Variants in RCSD1 observed in about 807,000 individuals in gnomAD.
The protein encoded by RCSD1 is capZ-interacting protein.
A neutral mutation model predicts 42.5 loss-of-function variants in RCSD1; 26 were observed. That is an observed-to-expected ratio of 0.61 (90% CI 0.45 to 0.85). The LOEUF is 0.85. RCSD1 is among the 40% of genes least tolerant of loss of function. The pLI, the probability that RCSD1 is intolerant of heterozygous loss-of-function variation, is 0.00. For synonymous variants in RCSD1, 220 were observed against 212.2 expected (o/e 1.04, Z -0.32); for missense variants, 571 against 528.3 (o/e 1.08, Z -0.79).
At position 167,706,514 on chromosome 1, in the gene RCSD1, T is replaced by C. The variant is rs543278183; in HGVS notation, c.*1818T>C. Reference sequence around the variant, plus strand: ...AAGGCATGGAACAGAAAGTATGGGGTTTAGATATGAAAAATGAAACTGCAT... The same window carrying C: ...AAGGCATGGAACAGAAAGTATGGGGCTTAGATATGAAAAATGAAACTGCAT... On this transcript the variant is annotated 3_prime_UTR_variant, in exon 7 of 7. Transcript: ENST00000367854. Among the ~76,000 whole-genome samples the C allele has an allele frequency of 6.6e-6, 1 of 151,762 alleles. No individual in the cohort carries two copies. The highest frequency in any genetic ancestry group is 1.5e-5 in the Non-Finnish European group (1 of 67,916).
At chr1:167,651,630 C>T (rs1444458669) in intron 1 of RCSD1, among the ~76,000 whole-genome samples, 1 of 152,204 alleles carries the variant, frequency 6.6e-6, no homozygotes, top group Non-Finnish European at 1.5e-5. Context: ...GCCTGTTGCT[C>T]CTGCTGGTCC....
At position 167,708,453 on chromosome 1, in the gene RCSD1, G is replaced by A. The variant is rs1480786165; in HGVS notation, c.*3757G>A. Among the ~76,000 whole-genome samples, 1 of 152,160 alleles carries A rather than the reference G, an allele frequency of 6.6e-6. No homozygotes were observed. On this transcript the variant is annotated 3_prime_UTR_variant, in exon 7 of 7. Transcript: ENST00000367854. Reference sequence around the variant, plus strand: ...AGGATAAACAATGTCTCTATATAATGCATGATCAGGTGGTTTATGAAGATG... The same window carrying A: ...AGGATAAACAATGTCTCTATATAATACATGATCAGGTGGTTTATGAAGATG...
chr1:167,690,363 G>T (rs945399694), intron 4 of RCSD1, among the ~76,000 whole-genome samples: 1 of 152,136 alleles, frequency 6.6e-6, no homozygotes, highest in Non-Finnish European at 1.5e-5. Flanking sequence ...AGTGGTGGGG[G>T]TTGATGGGTA....
At chr1:167,678,966 T>C (rs765075264) in intron 1 of RCSD1, among the ~76,000 whole-genome samples, 2 of 150,826 alleles carry the variant, frequency 1.3e-5, no homozygotes, top group Non-Finnish European at 2.9e-5. Context: ...ATAAGTGCCC[T>C]GTTTTATTTT....
At chr1:167,656,156 T>C (rs1182939678) in intron 1 of RCSD1, among the ~76,000 whole-genome samples, 2 of 152,208 alleles carry the variant, frequency 1.3e-5, no homozygotes, top group Non-Finnish European at 2.9e-5. Context: ...TGTGGACTCA[T>C]TTAAGAAACT....
chr1:167,657,203 G>C (rs1054961107), intron 1 of RCSD1, among the ~76,000 whole-genome samples: 5 of 152,192 alleles, frequency 3.3e-5, no homozygotes, highest in Non-Finnish European at 7.3e-5. Flanking sequence ...TTCGAAACTG[G>C]TGAATACATG....
At chr1:167,687,485 C>T (rs948598520) in intron 3 of RCSD1, among the ~76,000 whole-genome samples, 18 of 150,312 alleles carry the variant, frequency 1.2e-4, no homozygotes, top group Non-Finnish European at 2.2e-4. Flanking sequence ...ATCGCGCCAC[C>T]GCACTCCAGC....
At chr1:167,700,353 A>G (rs1659608314) in intron 6 of RCSD1, among the ~76,000 whole-genome samples, 1 of 152,028 alleles carries the variant, frequency 6.6e-6, no homozygotes, top group African/African-American at 2.4e-5. Flanking sequence ...TTTCTTTAAC[A>G]TCTTCCATTC....
chr1:167,703,471 TG>T (rs912916418), intron 6 of RCSD1, among the ~76,000 whole-genome samples: 1 of 152,152 alleles, frequency 6.6e-6, no homozygotes, highest in Non-Finnish European at 1.5e-5. Context: ...CTGGGCAACA[TG>T]GCACAACCCC....
chr1:167,645,913 G>A (rs1001086954), intron 1 of RCSD1, among the ~76,000 whole-genome samples: 2 of 152,146 alleles, frequency 1.3e-5, no homozygotes, highest in African/African-American at 4.8e-5. Context: ...TGGGGCTCAC[G>A]GGATGGAAGG....
chr1:167,670,949 C>T (rs185598164), intron 1 of RCSD1, among the ~76,000 whole-genome samples: 91 of 152,338 alleles, frequency 6.0e-4, no homozygotes, highest in African/African-American at 2.1e-3. Flanking sequence ...CTGAAATCAA[C>T]AGAATATTGA....
chr1:167,698,246 T>G (rs1360880633), intron 6 of RCSD1, among the ~76,000 whole-genome samples: 1 of 152,130 alleles, frequency 6.6e-6, no homozygotes, highest in African/African-American at 2.4e-5. Context: ...AAAAATCATC[T>G]CAGTTTAGCA....
chr1:167,648,251 A>C (rs755449939), intron 1 of RCSD1, among the ~76,000 whole-genome samples: 5 of 152,204 alleles, frequency 3.3e-5, no homozygotes, highest in Non-Finnish European at 7.3e-5. Flanking sequence ...ATTTGCTTTT[A>C]CTTTCTCCTT....
chr1:167,635,087 G>A (rs1657804957), intron 1 of RCSD1, among the ~76,000 whole-genome samples: 1 of 152,118 alleles, frequency 6.6e-6, no homozygotes, highest in African/African-American at 2.4e-5. Context: ...GGAGATAGAA[G>A]AGAAACATGT....
At position 167,690,099 on chromosome 1, in the gene RCSD1, G is replaced by T. The variant is rs370824673; in HGVS notation, c.249G>T (p.Ser83=). 1.2e-6 allele frequency: 2 copies of T among 1,613,928 alleles called. No homozygotes were observed. The highest frequency in any genetic ancestry group is 1.7e-6 in the Non-Finnish European group (2 of 1,180,004). Residue 83 remains serine, a synonymous_variant, in exon 4 of 7, where the codon TCG becomes TCT. Coordinates refer to ENST00000367854, the MANE Select transcript of RCSD1 (RefSeq NM_052862.4). ...SHPPKFKVKS[S]PLIEKLQANL... ...CTCCTAAATTCAAGGTCAAGAGCTC[G>T]CCTCTGATTGAGAAGCTTCAGGTAA...
chr1:167,673,664 T>C (rs762899173), intron 1 of RCSD1, among the ~76,000 whole-genome samples: 29 of 152,380 alleles, frequency 1.9e-4, no homozygotes, highest in Non-Finnish European at 2.9e-4. Context: ...GAATTATAAC[T>C]TGCATATGCC....
intron 1 of RCSD1, among the ~76,000 whole-genome samples, chr1:167,636,226 G>T (rs1428006137): frequency 6.6e-6 from 1 of 152,200 alleles, no homozygotes; most frequent in African/African-American, 2.4e-5. Context: ...CCTCCAGCCA[G>T]TGCAATTCCA....
At chr1:167,672,075 C>G (rs1396513984) in intron 1 of RCSD1, among the ~76,000 whole-genome samples, 1 of 152,186 alleles carries the variant, frequency 6.6e-6, no homozygotes, top group Non-Finnish European at 1.5e-5. Context: ...GTCAACTCCT[C>G]CTCCTCCTCC....
chr1:167,630,428 A>G lies in RCSD1; in HGVS notation c.5A>G (p.Glu2Gly). 2 of 1,541,124 alleles carry G rather than the reference A, an allele frequency of 1.3e-6. No homozygotes were observed. Among genetic ancestry groups the G allele is most frequent in the Non-Finnish European group, 1.8e-6 (2 of 1,142,092 alleles). Residue 2 changes from glutamate (E) to glycine (G), a missense_variant and splice_region_variant, in exon 1 of 7, where the codon GAG becomes GGG. By Grantham distance (98) the Glu-to-Gly change is moderately conservative. Coordinates refer to ENST00000367854, the MANE Select transcript of RCSD1 (RefSeq NM_052862.4). ...CAGAGTCGGCACCTGAAGGACATGG[A>G]GGTAAAGGACCCCGGAGGGAGACGC... MEERPAETNANV... is the reference protein window; with the variant it reads MGERPAETNANV...
Sources: gnomAD v4.1 joint callset for allele counts (sites outside exome capture counted in the v4.1 genomes callset) on GRCh38, gnomAD v4.1.1 for gene constraint, MANE v1.5 for transcripts, NCBI Gene and HGNC (gene_info 2026-07-23, HGNC 2026-07-21) for gene names.